DEPDC1B: variants seen among roughly 807,000 people sequenced by gnomAD.
DEPDC1B encodes the protein DEP domain-containing protein 1B.
A neutral mutation model predicts 66.5 loss-of-function variants in DEPDC1B; 51 were observed. The observed-to-expected ratio is 0.77, with a 90% CI of 0.61 to 0.97. The LOEUF (loss-of-function observed/expected upper bound fraction) is 0.97. Ranked by LOEUF, DEPDC1B falls within the 50% of genes least tolerant of loss-of-function variation. The pLI, the probability that DEPDC1B is intolerant of heterozygous loss-of-function variation, is 0.00. For missense variants in DEPDC1B, 552 were observed against 637.1 expected, an observed-to-expected ratio of 0.87 and a Z score of 1.44; for synonymous variants, 226 against 223.6, an observed-to-expected ratio of 1.01 and a Z score of -0.10.
chr5:60,698,902 G>T (rs1470699615), intron 1 of DEPDC1B, among the ~76,000 whole-genome samples: 4 of 152,238 alleles, frequency 2.6e-5, no homozygotes, highest in Non-Finnish European at 5.9e-5. Flanking sequence ...CTGACCTCAA[G>T]CGATCCATCC....
At chr5:60,697,426 G>A (rs552923878) in intron 1 of DEPDC1B, among the ~76,000 whole-genome samples, 2 of 152,254 alleles carry the variant, frequency 1.3e-5, no homozygotes, top group East Asian at 3.9e-4. Context: ...TGAGCATGAT[G>A]GGAAAAGGGA....
chr5:60,695,491 C>A (rs866709317), intron 1 of DEPDC1B, among the ~76,000 whole-genome samples: 2 of 152,188 alleles, frequency 1.3e-5, no homozygotes, highest in Non-Finnish European at 1.5e-5. Context: ...GAGTGATCTG[C>A]CCCAGTGACC....
chr5:60,625,519 G>A (rs1301876642), intron 7 of DEPDC1B, among the ~76,000 whole-genome samples: 2 of 152,066 alleles, frequency 1.3e-5, no homozygotes, highest in Non-Finnish European at 2.9e-5. Context: ...GGAAAATTGG[G>A]GGCCATCTTA....
chr5:60,694,538 A>G (rs1335665846), intron 1 of DEPDC1B, among the ~76,000 whole-genome samples: 1 of 152,226 alleles, frequency 6.6e-6, no homozygotes. Flanking sequence ...AAAGCCTTAC[A>G]CTTTGGCCTA....
Position 60,689,043 on chromosome 5 carries a change from A to G in DEPDC1B, c.49-1816T>C, listed in dbSNP as rs992934043. The G allele has an allele frequency of 6.6e-6, 3 of 456,286 alleles. 1 individual carries two copies. Among genetic ancestry groups the G allele is most frequent in the South Asian group, 4.6e-5 (3 of 64,568 alleles). The allele number at this position is 456,286 out of a possible 1,614,324, so 28.3% of individuals were successfully genotyped here. ...CACTGGACCACTTCAGGATAACAGAATCAATCCCTGAGGAATGGGGAAAAC... is the reference window on the plus strand; with the variant it reads ...CACTGGACCACTTCAGGATAACAGAGTCAATCCCTGAGGAATGGGGAAAAC... On this transcript the variant is annotated intron_variant, in intron 1 of 10. Coordinates refer to ENST00000265036, the MANE Select transcript of DEPDC1B (RefSeq NM_018369.3).
At chr5:60,677,301 C>CAA (rs1754184032) in intron 2 of DEPDC1B, among the ~76,000 whole-genome samples, 1 of 98,548 alleles carries the variant, frequency 1.0e-5, no homozygotes, top group African/African-American at 5.0e-5. Context: ...TACAGACACA[C>CAA]ACACACACAC....
chr5:60,620,456 A>C (rs893541925), intron 7 of DEPDC1B, among the ~76,000 whole-genome samples: 2 of 152,344 alleles, frequency 1.3e-5, no homozygotes, highest in South Asian at 4.1e-4. Flanking sequence ...AAAAACAAAC[A>C]ACCCCATCAA....
chr5:60,609,649 A>G (rs567899136), intron 7 of DEPDC1B, among the ~76,000 whole-genome samples: 3 of 152,326 alleles, frequency 2.0e-5, no homozygotes, highest in South Asian at 2.1e-4. Context: ...GGTTAGGTCT[A>G]TAACACTACT....
intron 7 of DEPDC1B, among the ~76,000 whole-genome samples, chr5:60,608,799 A>G (rs1288877552): frequency 6.6e-6 from 1 of 152,140 alleles, no homozygotes; most frequent in Non-Finnish European, 1.5e-5. Flanking sequence ...AGTAGATAAT[A>G]ATTTCAGACT....
chr5:60,687,247 T>A lies in DEPDC1B; in HGVS notation c.49-20A>T, dbSNP rs779838337. On this transcript the variant is annotated intron_variant, in intron 1 of 10. Coordinates refer to ENST00000265036, the MANE Select transcript of DEPDC1B (RefSeq NM_018369.3). ...ATTCCACTAGGGGAAAGAAAGAGAATGGCATTTAGTAATCAACTGATTTTT... is the reference window on the plus strand; with the variant it reads ...ATTCCACTAGGGGAAAGAAAGAGAAAGGCATTTAGTAATCAACTGATTTTT... 1 of 1,581,930 alleles carries A rather than the reference T, an allele frequency of 6.3e-7. No individual in the cohort carries two copies. Among genetic ancestry groups the A allele is most frequent in the East Asian group, 2.3e-5 (1 of 44,246 alleles).
At chr5:60,656,726 C>A (rs1584071921) in intron 2 of DEPDC1B, among the ~76,000 whole-genome samples, 2 of 152,186 alleles carry the variant, frequency 1.3e-5, no homozygotes, top group East Asian at 3.9e-4. Flanking sequence ...AGAAAATTGC[C>A]CTATAAAACC....
intron 2 of DEPDC1B, among the ~76,000 whole-genome samples, chr5:60,667,114 A>G (rs1753859557): frequency 6.6e-6 from 1 of 152,212 alleles, no homozygotes; most frequent in African/African-American, 2.4e-5. Flanking sequence ...ACCATTAAAC[A>G]TAAGGCACAA....
intron 7 of DEPDC1B, among the ~76,000 whole-genome samples, chr5:60,630,348 G>A (rs1384639470): frequency 3.3e-5 from 5 of 152,126 alleles, no homozygotes; most frequent in Admixed American, 2.6e-4. Flanking sequence ...CGCTCGGCAC[G>A]GCTGCAAGGA....
chr5:60,676,056 T>C (rs1754151181), intron 2 of DEPDC1B, among the ~76,000 whole-genome samples: 1 of 151,960 alleles, frequency 6.6e-6, no homozygotes, highest in African/African-American at 2.4e-5. Context: ...GCCTCCCGAG[T>C]AGCTGGGACT....
Position 60,686,967 on chromosome 5 carries a change from T to A in DEPDC1B, c.309A>T (p.Leu103Phe). The A allele has an allele frequency of 1.9e-6, 3 of 1,614,222 alleles. No individual in the cohort carries two copies. The highest frequency in any genetic ancestry group is 2.5e-6 in the Non-Finnish European group (3 of 1,180,040). ...GGTTTACATGTTGCCATTACCTGTA[T>A]AAGTGACGATTGTCTTCAAAATCTT... ...GEEDFEDNRH[L>F]YRFPPSSPLK... Residue 103 changes from leucine to phenylalanine, a missense_variant, in exon 2 of 11, where the codon TTA becomes TTT. Transcript: ENST00000265036.
chr5:60,656,480 TTGA>T (rs201298323), intron 2 of DEPDC1B, among the ~76,000 whole-genome samples: 1,884 of 152,302 alleles, frequency 0.012, 16 homozygotes, highest in Non-Finnish European at 0.02. Context: ...ATTTTCTGTC[TTGA>T]TGATTTGTTT....
At chr5:60,694,580 C>T (rs962466897) in intron 1 of DEPDC1B, among the ~76,000 whole-genome samples, 3 of 152,158 alleles carry the variant, frequency 2.0e-5, no homozygotes, top group Non-Finnish European at 2.9e-5. Flanking sequence ...TCATTTCTGC[C>T]AATCTATGTA....
At chr5:60,635,047 G>T (rs904891113) in intron 7 of DEPDC1B, among the ~76,000 whole-genome samples, 3 of 131,878 alleles carry the variant, frequency 2.3e-5, no homozygotes, top group African/African-American at 8.3e-5. Flanking sequence ...CAACAAGAGC[G>T]AAACTCCATC....
chr5:60,613,408 G>GA (rs1382645188), intron 7 of DEPDC1B, among the ~76,000 whole-genome samples: 19 of 152,172 alleles, frequency 1.2e-4, no homozygotes, highest in African/African-American at 3.6e-4. Context: ...ACGAAGGTTT[G>GA]AAAAGAGCAT....
Sources: gnomAD v4.1 joint callset for allele counts (sites outside exome capture counted in the v4.1 genomes callset) on GRCh38, gnomAD v4.1.1 for gene constraint, MANE v1.5 for transcripts, NCBI Gene and HGNC (gene_info 2026-07-23, HGNC 2026-07-21) for gene names.